Variants in EFL1 observed in about 807,000 individuals in gnomAD.
The protein encoded by EFL1 is elongation factor like GTPase 1.
EFL1 carries 76 observed loss-of-function variants against 126.7 expected under a neutral mutation model. The observed-to-expected ratio is 0.60, with a 90% confidence interval of 0.50 to 0.73. The LOEUF is 0.73. Ranked by LOEUF, EFL1 falls within the 30% of genes least tolerant of loss-of-function variation. The pLI is 0.00. For synonymous variants in EFL1, 410 were observed against 448.4 expected (o/e 0.91, Z 1.08); for missense variants, 1,128 against 1,343.2 (o/e 0.84, Z 2.50).
intron 15 of EFL1, among the ~76,000 whole-genome samples, chr15:82,186,195 A>G (rs2074301851): frequency 6.6e-6 from 1 of 152,142 alleles, no homozygotes; most frequent in South Asian, 2.1e-4. Flanking sequence ...AGAGTTTTGG[A>G]ATCACATCTA....
chr15:82,132,205 A>G (rs1032389405), intron 19 of EFL1, among the ~76,000 whole-genome samples: 3 of 152,180 alleles, frequency 2.0e-5, no homozygotes, highest in Non-Finnish European at 4.4e-5. Context: ...GTTGGAAACA[A>G]AGCAGCTGCC....
chr15:82,157,128 G>A (rs2073976539), intron 17 of EFL1, among the ~76,000 whole-genome samples: 1 of 152,174 alleles, frequency 6.6e-6, no homozygotes, highest in South Asian at 2.1e-4. Context: ...GCATAGAACA[G>A]TGCAGATTTA....
At chr15:82,233,274 T>A (rs1268807599) in intron 7 of EFL1, among the ~76,000 whole-genome samples, 3 of 152,220 alleles carry the variant, frequency 2.0e-5, no homozygotes, top group African/African-American at 4.8e-5. Flanking sequence ...ATTTTTGTCA[T>A]TAGTTACAAT....
At chr15:82,190,553 G>GT (rs1431221338) in intron 15 of EFL1, among the ~76,000 whole-genome samples, 1 of 152,174 alleles carries the variant, frequency 6.6e-6, no homozygotes, top group Non-Finnish European at 1.5e-5. Flanking sequence ...CAGATAGTGT[G>GT]TAAGTGTTCA....
At chr15:82,220,589 G>T (rs1346530726) in intron 12 of EFL1, among the ~76,000 whole-genome samples, 3 of 152,302 alleles carry the variant, frequency 2.0e-5, no homozygotes, top group East Asian at 1.9e-4. Flanking sequence ...CTCTGGCAGG[G>T]AAACAAGCAT....
intron 15 of EFL1, among the ~76,000 whole-genome samples, chr15:82,181,728 T>C (rs7162177): frequency 0.44 from 66,526 of 151,856 alleles, 16,998 homozygotes; most frequent in African/African-American, 0.71. Flanking sequence ...CGTGACACTG[T>C]GCCTCCATCC....
rs977199212 is a variant in EFL1 at position 82,261,949 on chromosome 15, C to G, written c.-19-152G>C. The G allele has an allele frequency of 4.0e-5, 23 of 578,776 alleles. No individual in the cohort carries two copies. In the African/African-American group the frequency reaches 4.1e-4, roughly 10 times the overall value. 35.9% of individuals were successfully genotyped at this position (578,776 alleles called of 1,614,324 possible). A position where few individuals can be genotyped will look rare whatever the true frequency, so the allele number is the denominator to read the frequency against. On this transcript the variant is annotated intron_variant, in intron 1 of 19. Coordinates refer to ENST00000268206, the MANE Select transcript of EFL1 (RefSeq NM_024580.6). ...TTATTGATGAGATAGACCACCAAGGCCTAAGTCCAGTTCGAGCACTAAAGT... is the reference window on the plus strand; with the variant it reads ...TTATTGATGAGATAGACCACCAAGGGCTAAGTCCAGTTCGAGCACTAAAGT...
chr15:82,173,721 CAT>C (rs1313951657), intron 15 of EFL1, among the ~76,000 whole-genome samples: 1 of 151,700 alleles, frequency 6.6e-6, no homozygotes, highest in Admixed American at 6.6e-5. Context: ...TATAAGAAAA[CAT>C]ATATATGCAC....
chr15:82,236,535 T>C (rs943178034), intron 7 of EFL1, among the ~76,000 whole-genome samples: 1 of 152,192 alleles, frequency 6.6e-6, no homozygotes. Context: ...CCAAGTGATT[T>C]TGACAAAGGC....
At chr15:82,172,347 C>A (rs1207417244) in intron 15 of EFL1, among the ~76,000 whole-genome samples, 1 of 152,202 alleles carries the variant, frequency 6.6e-6, no homozygotes, top group Non-Finnish European at 1.5e-5. Context: ...GTGTTGAGAA[C>A]AGGCACAATT....
intron 15 of EFL1, among the ~76,000 whole-genome samples, chr15:82,172,071 T>A (rs1595958591): frequency 2.1e-5 from 3 of 142,210 alleles, no homozygotes; most frequent in African/African-American, 2.6e-5. Context: ...AAAGCCTCAG[T>A]CAAAAAACAT....
intron 12 of EFL1, among the ~76,000 whole-genome samples, chr15:82,224,576 G>A (rs2074742492): frequency 6.6e-6 from 1 of 152,206 alleles, no homozygotes; most frequent in South Asian, 2.1e-4. Context: ...TGGAACTAAA[G>A]ATGGGGCAGG....
intron 15 of EFL1, among the ~76,000 whole-genome samples, chr15:82,210,683 G>A (rs1344445282): frequency 6.6e-6 from 1 of 152,016 alleles, no homozygotes; most frequent in Non-Finnish European, 1.5e-5. Flanking sequence ...CCAACATGGT[G>A]AAACCCCATC....
intron 15 of EFL1, among the ~76,000 whole-genome samples, chr15:82,197,793 C>T (rs2074423591): frequency 1.3e-5 from 2 of 152,102 alleles, no homozygotes; most frequent in Non-Finnish European, 2.9e-5. Context: ...GTTGAAACAG[C>T]AGGCTAAATC....
At chr15:82,143,818 GCT>G (rs2073814156) in intron 18 of EFL1, among the ~76,000 whole-genome samples, 1 of 152,158 alleles carries the variant, frequency 6.6e-6, no homozygotes, top group Admixed American at 6.5e-5. Flanking sequence ...CATGAAGTTG[GCT>G]GGAAACAAAC....
At chr15:82,196,633 TTAAG>T (rs1163248374) in intron 15 of EFL1, among the ~76,000 whole-genome samples, 1 of 152,244 alleles carries the variant, frequency 6.6e-6, no homozygotes, top group Non-Finnish European at 1.5e-5. Context: ...GTTTCAAGGC[TTAAG>T]TAAGAAAACA....
At chr15:82,250,692 G>A (rs1282791464) in intron 4 of EFL1, among the ~76,000 whole-genome samples, 1 of 152,060 alleles carries the variant, frequency 6.6e-6, no homozygotes, top group Non-Finnish European at 1.5e-5. Context: ...GGACAACAGT[G>A]GAGTTCCAGA....
At position 82,151,563 on chromosome 15, in the gene EFL1, G is replaced by C. The variant is rs758965334; in HGVS notation, c.2891C>G (p.Thr964Ser). 14 of 1,614,126 alleles carry C rather than the reference G, an allele frequency of 8.7e-6. No homozygotes were observed. The highest frequency in any genetic ancestry group is 8.3e-5 in the Admixed American group (5 of 60,024). ...TGCATAGCGACATGCTTCTTTCATG[G>C]TGGCAATTAGCTGTCCTGAGAAAGG... Reference protein sequence around the residue: ...YGPFSGQLIATMKEACRYALQ... With the variant: ...YGPFSGQLIASMKEACRYALQ... The change falls in exon 18 of 20, where the codon ACC becomes AGC. Residue 964 changes from threonine to serine, a missense_variant. Coordinates refer to ENST00000268206, the MANE Select transcript of EFL1 (RefSeq NM_024580.6).
chr15:82,136,698 T>C (rs1172677291), intron 19 of EFL1, among the ~76,000 whole-genome samples: 2 of 152,196 alleles, frequency 1.3e-5, no homozygotes, highest in South Asian at 2.1e-4. Context: ...TGTGTTCTTA[T>C]GTAAAAGTTG....
Sources: allele counts gnomAD v4.1 joint callset (sites outside exome capture counted in the v4.1 genomes callset), GRCh38; gene constraint gnomAD v4.1.1; transcripts MANE v1.5; gene names NCBI Gene and HGNC (gene_info 2026-07-23, HGNC 2026-07-21).